CAP1: variants seen among roughly 807,000 people sequenced by gnomAD.
The protein encoded by CAP1 is cyclase associated actin cytoskeleton regulatory protein 1.
In CAP1, 11 loss-of-function variants were observed where a neutral mutation model predicts 58.2. That is an observed-to-expected ratio of 0.19 (90% CI 0.12 to 0.31). The LOEUF (loss-of-function observed/expected upper bound fraction) is 0.31, where lower values mean the gene tolerates loss of function less well. Among genes scored for constraint, CAP1 ranks in the 10% least tolerant of loss-of-function variants. CAP1 has a pLI of 1.00. For synonymous variants in CAP1, 183 were observed against 213.8 expected, an observed-to-expected ratio of 0.86 and a Z score of 1.26; for missense variants, 423 against 587.5, an observed-to-expected ratio of 0.72 and a Z score of 2.89.
chr1:40,048,708 C>G (rs1230155070), intron 1 of CAP1, among the ~76,000 whole-genome samples: 1 of 152,028 alleles, frequency 6.6e-6, no homozygotes, highest in African/African-American at 2.4e-5. Context: ...TAGCTATTCC[C>G]CTATAATTAG....
intron 1 of CAP1, among the ~76,000 whole-genome samples, chr1:40,044,682 C>T (rs1265413313): frequency 6.6e-6 from 1 of 151,158 alleles, no homozygotes; most frequent in South Asian, 2.1e-4. Flanking sequence ...TTTAGAAAGT[C>T]GTGAACTAGC....
At position 40,060,222 on chromosome 1, in the gene CAP1, C is replaced by T. The variant is rs1646790649; in HGVS notation, c.216+52C>T. 2.1e-6 allele frequency: 3 copies of T among 1,397,744 alleles called. No individual in the cohort carries two copies. In the East Asian group the frequency reaches 6.9e-5, roughly 32 times the overall value. 86.6% of individuals were successfully genotyped at this position (1,397,744 alleles called of 1,614,324 possible). ...TCTTTTAAGGACTAACAGCTTTCTT[C>T]AGTCAGCCAAGGTCCTCATCCTTGG... On this transcript the variant is annotated intron_variant, in intron 3 of 12. Coordinates refer to ENST00000372805, the MANE Select transcript of CAP1 (RefSeq NM_006367.4).
Position 40,064,235 on chromosome 1 carries a change from T to C in CAP1, c.303T>C (p.Leu101=). The C allele has an allele frequency of 6.2e-7, 1 of 1,614,096 alleles. No homozygotes were observed. Among genetic ancestry groups the C allele is most frequent in the Non-Finnish European group, 8.5e-7 (1 of 1,179,978 alleles). The change falls in exon 5 of 13, where the codon CTT becomes CTC. Residue 101 remains leucine, a synonymous_variant. Transcript: ENST00000372805. ...CTTGTATCTTTTCCTAGAATAAGCTTTCCGATTTGTTGGCACCCATCTCAG... is the reference window on the plus strand; with the variant it reads ...CTTGTATCTTTTCCTAGAATAAGCTCTCCGATTTGTTGGCACCCATCTCAG... The part of the protein sequence containing the change: ...SQCQQPAENK[L]SDLLAPISEQ...
At chr1:40,065,675 A>G (rs964617371) in intron 6 of CAP1, among the ~76,000 whole-genome samples, 8 of 152,238 alleles carry the variant, frequency 5.3e-5, no homozygotes, top group Admixed American at 2.0e-4. Flanking sequence ...TGCTATTTCT[A>G]TAATTTAAGG....
chr1:40,064,642 T>C (rs1646998338), intron 6 of CAP1, 83 bp downstream of exon 6: 5 of 1,021,982 alleles, frequency 4.9e-6, no homozygotes, highest in Non-Finnish European at 7.7e-6. Flanking sequence ...AGTGGCACAA[T>C]CACAGCTCAT....
chr1:40,049,446 G>C (rs1416865381), intron 1 of CAP1, among the ~76,000 whole-genome samples: 1 of 151,866 alleles, frequency 6.6e-6, no homozygotes, highest in Non-Finnish European at 1.5e-5. Flanking sequence ...CTTGACCTCA[G>C]GTTATCTACC....
chr1:40,053,329 T>A (rs1646465457), intron 1 of CAP1, among the ~76,000 whole-genome samples: 1 of 152,228 alleles, frequency 6.6e-6, no homozygotes. Context: ...ATACTGTGAT[T>A]AACCATATAG....
chr1:40,068,256 T>C (rs987230182), intron 8 of CAP1, among the ~76,000 whole-genome samples: 32 of 152,168 alleles, frequency 2.1e-4, no homozygotes, highest in African/African-American at 6.5e-4. Flanking sequence ...ACATGTCCTC[T>C]TGATGAAATG....
intron 12 of CAP1, 84 bp from the exon 13 acceptor site, chr1:40,071,366 C>T: frequency 1.0e-6 from 1 of 953,330 alleles, no homozygotes. Flanking sequence ...TAAGTGGAAG[C>T]AAGCATTGGG....
At chr1:40,060,317 T>G in intron 3 of CAP1, 147 bp downstream of exon 3, 1 of 561,058 alleles carries the variant, frequency 1.8e-6, no homozygotes, top group South Asian at 2.5e-5. Flanking sequence ...TTGCCTGTAC[T>G]GAGGAGTTCA....
chr1:40,042,469 G>A (rs546519591), intron 1 of CAP1, among the ~76,000 whole-genome samples: 1 of 152,202 alleles, frequency 6.6e-6, no homozygotes, highest in Non-Finnish European at 1.5e-5. Flanking sequence ...GACTACTACA[G>A]GTGCAAGGAC....
In CAP1 at chr1:40,064,573, T is replaced by C; in HGVS notation, c.524+14T>C. The C allele has an allele frequency of 1.3e-6, 2 of 1,594,188 alleles. No individual in the cohort carries two copies. The highest frequency in any genetic ancestry group is 1.7e-6 in the Non-Finnish European group (2 of 1,163,364). On this transcript the variant is annotated intron_variant, in intron 6 of 12. Transcript: ENST00000372805. ...GTACAAAGATGTGTAAGTTCAGCCT[T>C]TTCTCTCTTTTTTTCTTTTCTGAGA...
In CAP1 at chr1:40,068,079, A is replaced by G. The variant is rs143106170; in HGVS notation, c.808+362A>G. ...CTTCCTCAGAAGATGCATACTGGTT[A>G]CATGGAAAATTTGCATGAGAGTGAC... On this transcript the variant is annotated intron_variant, in intron 8 of 12. Transcript: ENST00000372805. 1.1e-3 allele frequency among the ~76,000 whole-genome samples: 161 copies of G among 152,312 alleles called. 2 individuals carry two copies. Among genetic ancestry groups the G allele is most frequent in the African/African-American group, 3.4e-3 (141 of 41,564 alleles).
At chr1:40,066,138 T>A (rs1647067537) in intron 6 of CAP1, 77 bp from the exon 7 acceptor site, 1 of 805,798 alleles carries the variant, frequency 1.2e-6, no homozygotes, top group East Asian at 2.5e-5. Context: ...TGTGAGCCCA[T>A]AGGAAAGAAG....
chr1:40,067,939 T>G (rs921265769), intron 8 of CAP1, among the ~76,000 whole-genome samples: 2 of 152,186 alleles, frequency 1.3e-5, no homozygotes, highest in African/African-American at 2.4e-5. Context: ...GACTTAATAT[T>G]AGGTAGCATA....
Position 40,057,806 on chromosome 1 carries a change from C to T in CAP1, c.-10-1531C>T, listed in dbSNP as rs12410836. 3.9e-3 allele frequency among the ~76,000 whole-genome samples: 587 copies of T among 152,286 alleles called. 14 individuals carry two copies. Among genetic ancestry groups the T allele is most frequent in the Admixed American group, 0.036 (547 of 15,300 alleles). The stretch of plus-strand genomic sequence containing the variant: ...AACTGAATTCAGTTGCCTGAATTGA[C>T]GCTTTTGTGAAATGGAATCTTTCCA... On this transcript the variant is annotated intron_variant, in intron 1 of 12. Transcript: ENST00000372805.
Position 40,071,714 on chromosome 1 carries a change from G to C in CAP1, c.*181G>C, listed in dbSNP as rs1200083266. On this transcript the variant is annotated 3_prime_UTR_variant, in exon 13 of 13. Coordinates refer to ENST00000372805, the MANE Select transcript of CAP1 (RefSeq NM_006367.4). ...GGCTGAAATTTGGGGTGGGATAGCA[G>C]GTCAGTTGATCTTCTGCAGGAAGGT... 1 of 575,236 alleles carries C rather than the reference G, an allele frequency of 1.7e-6. No individual in the cohort carries two copies. Among genetic ancestry groups the C allele is most frequent in the Non-Finnish European group, 3.1e-6 (1 of 321,376 alleles). The allele number at this position is 575,236 out of a possible 1,614,324, so 35.6% of individuals were successfully genotyped here.
chr1:40,045,938 TCA>T (rs780197141), intron 1 of CAP1, among the ~76,000 whole-genome samples: 2 of 152,318 alleles, frequency 1.3e-5, no homozygotes, highest in Non-Finnish European at 2.9e-5. Context: ...TTCTCTGGCC[TCA>T]GTCTCCTGAG....
chr1:40,044,062 C>T (rs1234133944), intron 1 of CAP1, among the ~76,000 whole-genome samples: 1 of 152,018 alleles, frequency 6.6e-6, no homozygotes, highest in Non-Finnish European at 1.5e-5. Flanking sequence ...TATATTTTTG[C>T]TTTGGAGTTT....
Sources: gnomAD v4.1 joint callset for allele counts (sites outside exome capture counted in the v4.1 genomes callset) on GRCh38, gnomAD v4.1.1 for gene constraint, MANE v1.5 for transcripts, NCBI Gene and HGNC (gene_info 2026-07-23, HGNC 2026-07-21) for gene names.